Variants in PRKCE observed in about 807,000 individuals in gnomAD.
The protein encoded by PRKCE is protein kinase C epsilon type.
A neutral mutation model predicts 85.4 loss-of-function variants in PRKCE; 16 were observed. The observed-to-expected ratio is 0.19, with a 90% CI of 0.13 to 0.28. The LOEUF (loss-of-function observed/expected upper bound fraction) is 0.28. Among genes scored for constraint, PRKCE ranks in the 10% least tolerant of loss-of-function variants. PRKCE has a pLI of 1.00. For synonymous variants in PRKCE, 388 were observed against 371.5 expected, an observed-to-expected ratio of 1.04 and a Z score of -0.51; for missense variants, 573 against 975.2, an observed-to-expected ratio of 0.59 and a Z score of 5.49.
intron 11 of PRKCE, among the ~76,000 whole-genome samples, chr2:46,112,572 A>G (rs1185379001): frequency 6.6e-6 from 1 of 151,524 alleles, no homozygotes; most frequent in Non-Finnish European, 1.5e-5. Context: ...CTGGAGTGGT[A>G]CAGTGGCACA....
rs192349886 is a variant in PRKCE at position 45,736,675 on chromosome 2, A to G, written c.348+84227A>G. Among the ~76,000 whole-genome samples the G allele has an allele frequency of 4.5e-4, 68 of 152,288 alleles. 1 individual carries two copies. The highest frequency in any genetic ancestry group is 2.8e-3 in the Admixed American group (43 of 15,290). ...GTGGGGCTATCCTCATTCCTCTTAC[A>G]GTCAAGTTTCTGGAGAACAGGAAGG... On this transcript the variant is annotated intron_variant, in intron 1 of 14. Coordinates refer to ENST00000306156, the MANE Select transcript of PRKCE (RefSeq NM_005400.3).
intron 1 of PRKCE, among the ~76,000 whole-genome samples, chr2:45,839,136 T>A (rs566466023): frequency 5.5e-4 from 83 of 150,754 alleles, no homozygotes; most frequent in Middle Eastern, 3.4e-3. Context: ...AAAAAAAAAA[T>A]TTTTTTTTTT....
At chr2:45,914,156 T>G (rs1005785713) in intron 2 of PRKCE, among the ~76,000 whole-genome samples, 1 of 152,216 alleles carries the variant, frequency 6.6e-6, no homozygotes, top group African/African-American at 2.4e-5. Context: ...AAGCATACAA[T>G]ATCATGCTAG....
At chr2:45,871,313 C>T (rs926093772) in intron 2 of PRKCE, among the ~76,000 whole-genome samples, 2 of 152,172 alleles carry the variant, frequency 1.3e-5, no homozygotes, top group South Asian at 2.1e-4. Context: ...CAGGTTCACA[C>T]GTGCAATTGC....
At chr2:46,043,500 T>C (rs1233465441) in intron 10 of PRKCE, among the ~76,000 whole-genome samples, 1 of 152,232 alleles carries the variant, frequency 6.6e-6, no homozygotes, top group Non-Finnish European at 1.5e-5. Flanking sequence ...AGCAGTATTA[T>C]AGTATACCCC....
At chr2:46,018,197 G>A (rs555930882) in intron 10 of PRKCE, among the ~76,000 whole-genome samples, 18 of 152,332 alleles carry the variant, frequency 1.2e-4, no homozygotes, top group African/African-American at 9.6e-5. Flanking sequence ...GCACAGGAAC[G>A]ATCCAAAATG....
At chr2:46,017,320 G>A (rs549600295) in intron 10 of PRKCE, among the ~76,000 whole-genome samples, 2 of 152,282 alleles carry the variant, frequency 1.3e-5, no homozygotes, top group Admixed American at 6.5e-5. Context: ...ATGTCTTTCT[G>A]TGACTAGTAT....
chr2:45,987,124 C>T (rs546467048), intron 6 of PRKCE, among the ~76,000 whole-genome samples: 1 of 151,808 alleles, frequency 6.6e-6, no homozygotes, highest in Non-Finnish European at 1.5e-5. Context: ...AAGAAAGCAG[C>T]CCAGACACCC....
chr2:45,720,982 C>T (rs547597215), intron 1 of PRKCE, among the ~76,000 whole-genome samples: 238 of 152,198 alleles, frequency 1.6e-3, no homozygotes, highest in Non-Finnish European at 2.3e-3. Flanking sequence ...TGGCATGCAC[C>T]TGTAGTCCCA....
At chr2:46,164,759 C>T (rs556617963) in intron 14 of PRKCE, 13 of 152,420 alleles carry the variant, frequency 8.5e-5, no homozygotes, top group Admixed American at 6.5e-4. Context: ...AGAGCCCCTT[C>T]GTGGAAGAAC....
At chr2:45,941,122 C>G (rs1433820200) in intron 2 of PRKCE, among the ~76,000 whole-genome samples, 1 of 143,404 alleles carries the variant, frequency 7.0e-6, no homozygotes, top group East Asian at 2.3e-4. Context: ...GAACAAATGA[C>G]TTATATACTA....
At chr2:45,853,544 T>C (rs1338688812) in intron 2 of PRKCE, among the ~76,000 whole-genome samples, 1 of 152,208 alleles carries the variant, frequency 6.6e-6, no homozygotes, top group African/African-American at 2.4e-5. Flanking sequence ...TACCTCTATG[T>C]GATCTCCCCT....
At chr2:45,977,452 C>T (rs1702544240) in intron 3 of PRKCE, among the ~76,000 whole-genome samples, 1 of 152,000 alleles carries the variant, frequency 6.6e-6, no homozygotes, top group Non-Finnish European at 1.5e-5. Context: ...GCCTGGTCAA[C>T]ATGGTGAAAC....
chr2:45,687,053 G>A (rs961656329), intron 1 of PRKCE, among the ~76,000 whole-genome samples: 5 of 151,972 alleles, frequency 3.3e-5, no homozygotes, highest in Admixed American at 6.5e-5. Context: ...GTCTTCCTAG[G>A]TATAACACAA....
At chr2:45,973,300 A>G (rs1430954408) in intron 2 of PRKCE, among the ~76,000 whole-genome samples, 1 of 152,124 alleles carries the variant, frequency 6.6e-6, no homozygotes, top group East Asian at 1.9e-4. Context: ...CTCTGGCCTG[A>G]CCCGTGGCTT....
chr2:46,170,738 G>A (rs1678814030), intron 14 of PRKCE, among the ~76,000 whole-genome samples: 1 of 152,226 alleles, frequency 6.6e-6, no homozygotes, highest in Non-Finnish European at 1.5e-5. Flanking sequence ...TGAATGGTGA[G>A]AGAAGGTGGG....
intron 6 of PRKCE, among the ~76,000 whole-genome samples, chr2:45,992,026 ATTACT>A (rs1443395083): frequency 6.6e-6 from 1 of 152,202 alleles, no homozygotes; most frequent in Admixed American, 6.5e-5. Context: ...GAGATAAAAC[ATTACT>A]TTAGTTCTCT....
chr2:45,940,449 C>G (rs1196509680), intron 2 of PRKCE, among the ~76,000 whole-genome samples: 2 of 152,176 alleles, frequency 1.3e-5, no homozygotes, highest in African/African-American at 4.8e-5. Flanking sequence ...TATATGAAAA[C>G]ATTTCAAAAT....
chr2:45,898,591 C>T (rs1352896844), intron 2 of PRKCE, among the ~76,000 whole-genome samples: 1 of 152,184 alleles, frequency 6.6e-6, no homozygotes, highest in Non-Finnish European at 1.5e-5. Context: ...TGCTGAGGAT[C>T]TAATAAACCA....
Sources: gnomAD v4.1 joint callset for allele counts (sites outside exome capture counted in the v4.1 genomes callset) on GRCh38, gnomAD v4.1.1 for gene constraint, MANE v1.5 for transcripts, NCBI Gene and HGNC (gene_info 2026-07-23, HGNC 2026-07-21) for gene names.